The following PALLD variants were observed in gnomAD, a reference collection of about 807,000 sequenced individuals.
The protein encoded by PALLD is palladin, cytoskeletal associated protein.
A neutral mutation model predicts 123.5 loss-of-function variants in PALLD; 61 were observed. The ratio of observed to expected loss-of-function variants is 0.49; its 90% CI spans 0.40 to 0.61. The LOEUF (loss-of-function observed/expected upper bound fraction) is 0.61. PALLD is among the 20% of genes least tolerant of loss of function. PALLD has a pLI of 0.00. For missense variants in PALLD, 1,273 were observed against 1,377.0 expected (o/e 0.92, Z 1.20); for synonymous variants, 465 against 496.4 (o/e 0.94, Z 0.84).
intron 2 of PALLD, among the ~76,000 whole-genome samples, chr4:168,652,463 TA>T: frequency 6.6e-6 from 1 of 152,228 alleles, no homozygotes; most frequent in Middle Eastern, 3.2e-3. Flanking sequence ...AACACATTTT[TA>T]TTTTTTTATT....
At chr4:168,904,200 C>A in intron 15 of PALLD, 1 of 354,674 alleles carries the variant, frequency 2.8e-6, no homozygotes, top group Non-Finnish European at 5.3e-6. Flanking sequence ...GGACAAAGTC[C>A]TATGGTAAAA....
intron 2 of PALLD, among the ~76,000 whole-genome samples, chr4:168,546,605 C>A (rs1345063954): frequency 6.6e-6 from 1 of 152,130 alleles, no homozygotes; most frequent in East Asian, 1.9e-4. Flanking sequence ...CATAGACATC[C>A]TGCAGGTCTT....
Position 168,599,993 on chromosome 4 carries a change from ATACACACACGTATATACATACATGTGTG to A in PALLD, c.909-68187_909-68160del, listed in dbSNP as rs1219754799. On this transcript the variant is annotated intron_variant, in intron 2 of 21. Transcript: ENST00000505667. ...CACACACATATATACATACATGTGT[ATACACACACGTATATACATACATGTGTG>A]TACACACACATACATACATGTGTAT... 6.2e-4 allele frequency among the ~76,000 whole-genome samples: 89 copies of A among 143,090 alleles called. 2 individuals carry two copies. Among genetic ancestry groups the A allele is most frequent in the African/African-American group, 2.2e-3 (85 of 39,128 alleles). 93.9% of individuals were successfully genotyped at this position (143,090 alleles called of 152,430 possible). A position where few individuals can be genotyped will look rare whatever the true frequency, so the allele number is the denominator to read the frequency against.
intron 2 of PALLD, among the ~76,000 whole-genome samples, chr4:168,663,338 C>A (rs1340801400): frequency 6.6e-6 from 1 of 152,130 alleles, no homozygotes; most frequent in Non-Finnish European, 1.5e-5. Flanking sequence ...TGGACAGGTG[C>A]CTTTGCCTAG....
At chr4:168,534,716 A>G (rs1045234851) in intron 2 of PALLD, among the ~76,000 whole-genome samples, 1 of 152,178 alleles carries the variant, frequency 6.6e-6, no homozygotes, top group African/African-American at 2.4e-5. Context: ...TCATACTGAC[A>G]TCTTTTCAAC....
At chr4:168,564,995 G>A (rs909813589) in intron 2 of PALLD, among the ~76,000 whole-genome samples, 2 of 147,038 alleles carry the variant, frequency 1.4e-5, no homozygotes, top group Non-Finnish European at 3.0e-5. Flanking sequence ...AGACCAGCCT[G>A]AGCAACATGG....
chr4:168,619,943 C>T (rs1329961474), intron 2 of PALLD, among the ~76,000 whole-genome samples: 3 of 152,132 alleles, frequency 2.0e-5, no homozygotes, highest in Non-Finnish European at 4.4e-5. Flanking sequence ...TTAAGCTCTT[C>T]CAATAGTAGT....
At chr4:168,818,777 C>T (rs953244013) in intron 10 of PALLD, among the ~76,000 whole-genome samples, 1 of 152,082 alleles carries the variant, frequency 6.6e-6, no homozygotes, top group African/African-American at 2.4e-5. Flanking sequence ...CTTATCTCAA[C>T]AATGCAATAT....
intron 10 of PALLD, among the ~76,000 whole-genome samples, chr4:168,764,827 T>G (rs1010286446): frequency 6.6e-6 from 1 of 152,166 alleles, no homozygotes; most frequent in Non-Finnish European, 1.5e-5. Flanking sequence ...CCCGCACCTC[T>G]CTTGGCTCCA....
intron 2 of PALLD, among the ~76,000 whole-genome samples, chr4:168,564,665 A>C (rs1768190453): frequency 6.6e-6 from 1 of 152,242 alleles, no homozygotes; most frequent in South Asian, 2.1e-4. Flanking sequence ...TATGGTAATA[A>C]AATAACAGCC....
chr4:168,689,571 C>T (rs1447372072), intron 6 of PALLD, among the ~76,000 whole-genome samples: 1 of 149,846 alleles, frequency 6.7e-6, no homozygotes, highest in African/African-American at 2.5e-5. Flanking sequence ...TTCCAGCCTC[C>T]TCGGTAGCTG....
chr4:168,578,451 C>T (rs1434672263), intron 2 of PALLD, among the ~76,000 whole-genome samples: 4 of 151,974 alleles, frequency 2.6e-5, no homozygotes, highest in African/African-American at 4.8e-5. Flanking sequence ...CCCTTTTGCG[C>T]GGTACTGCTC....
In PALLD at chr4:168,676,883, G is replaced by C. The variant is rs573862398; in HGVS notation, c.1088-4449G>C. ...TGTGAGCCACCGCGCCCAGCCAGTA[G>C]GTTTTTAAAATGAAAAGGGAGCACC... On this transcript the variant is annotated intron_variant, in intron 3 of 21. Transcript: ENST00000505667. Among the ~76,000 whole-genome samples the C allele has an allele frequency of 2.6e-5, 4 of 152,124 alleles. No homozygotes were observed. In the East Asian group the frequency reaches 7.7e-4, roughly 29 times the overall value.
At chr4:168,631,598 C>T (rs1056237749) in intron 2 of PALLD, 19 of 985,364 alleles carry the variant, frequency 1.9e-5, no homozygotes, top group Admixed American at 1.8e-4. Context: ...CACACGCGCC[C>T]CTCGGCGAGA....
In PALLD at chr4:168,823,271, G is replaced by A. The variant is rs138184147; in HGVS notation, c.1965-67651G>A. On this transcript the variant is annotated intron_variant, in intron 10 of 21. Transcript: ENST00000505667. The stretch of plus-strand genomic sequence containing the variant: ...AGATTATGGACAAAGAGACTTCACG[G>A]AACCATAGCTGGCCCCATCGATTTT... 4.7e-4 allele frequency among the ~76,000 whole-genome samples: 72 copies of A among 152,272 alleles called. 1 individual carries two copies. In the East Asian group the frequency reaches 0.013, roughly 28 times the overall value.
intron 10 of PALLD, among the ~76,000 whole-genome samples, chr4:168,770,036 G>A (rs984240296): frequency 6.6e-6 from 1 of 152,172 alleles, no homozygotes; most frequent in South Asian, 2.1e-4. Flanking sequence ...TGCTATCTCT[G>A]TAGGAGACAG....
intron 10 of PALLD, among the ~76,000 whole-genome samples, chr4:168,855,707 A>G (rs182844614): frequency 5.9e-4 from 90 of 152,318 alleles, no homozygotes; most frequent in Middle Eastern, 6.8e-3. Context: ...AAGGGCCCAC[A>G]TTTGGACACT....
chr4:168,870,636 G>T (rs1750951696), intron 10 of PALLD, among the ~76,000 whole-genome samples: 2 of 152,112 alleles, frequency 1.3e-5, no homozygotes, highest in African/African-American at 4.8e-5. Flanking sequence ...TTTGAAATCA[G>T]GTTCTTTATA....
At chr4:168,712,082 A>G (rs886103240) in intron 10 of PALLD, 159 bp downstream of exon 10, 4 of 659,918 alleles carry the variant, frequency 6.1e-6, no homozygotes, top group African/African-American at 5.4e-5. Flanking sequence ...TATAAAAGAC[A>G]CCTAAAAATA....
Sources: gnomAD v4.1 joint callset for allele counts (sites outside exome capture counted in the v4.1 genomes callset) on GRCh38, gnomAD v4.1.1 for gene constraint, MANE v1.5 for transcripts, NCBI Gene and HGNC (gene_info 2026-07-23, HGNC 2026-07-21) for gene names.